Variants in SORCS1 observed in about 807,000 individuals in gnomAD.
The protein encoded by SORCS1 is sortilin related VPS10 domain containing receptor 1.
Under a neutral mutation model 146.1 loss-of-function variants are expected in SORCS1, and 60 were observed. That is an observed-to-expected ratio of 0.41 (90% confidence interval 0.33 to 0.51). The LOEUF is 0.51. Ranked by LOEUF, SORCS1 falls within the 20% of genes least tolerant of loss-of-function variation. The pLI is 0.21. For synonymous variants in SORCS1, 637 were observed against 584.0 expected, an observed-to-expected ratio of 1.09 and a Z score of -1.31; for missense variants, 1,352 against 1,487.6, an observed-to-expected ratio of 0.91 and a Z score of 1.50.
chr10:107,124,491 T>A (rs1330431503), intron 1 of SORCS1, among the ~76,000 whole-genome samples: 1 of 152,140 alleles, frequency 6.6e-6, no homozygotes, highest in East Asian at 1.9e-4. Flanking sequence ...CCGGTGACTA[T>A]GAAAACTAGC....
intron 3 of SORCS1, among the ~76,000 whole-genome samples, chr10:106,822,482 T>C (rs1432267478): frequency 6.6e-6 from 1 of 152,168 alleles, no homozygotes; most frequent in Non-Finnish European, 1.5e-5. Flanking sequence ...TATTATTCTG[T>C]AGCTCATTTG....
At chr10:106,822,802 T>TTTTTTTTTTTTTTTTTTTTTTTTTG (rs994708912) in intron 3 of SORCS1, among the ~76,000 whole-genome samples, 2 of 140,194 alleles carry the variant, frequency 1.4e-5, no homozygotes, top group African/African-American at 5.7e-5. Context: ...TTTTTTTTTT[T>TTTTTTTTTTTTTTTTTTTTTTTTTG]GAATATTGCT....
At chr10:106,763,287 C>T (rs1014533665) in intron 4 of SORCS1, among the ~76,000 whole-genome samples, 4 of 152,168 alleles carry the variant, frequency 2.6e-5, no homozygotes, top group Non-Finnish European at 4.4e-5. Context: ...AATTGTTGGG[C>T]GCCAGCGTTT....
chr10:106,790,692 G>C (rs1046009156), intron 3 of SORCS1, among the ~76,000 whole-genome samples: 2 of 152,142 alleles, frequency 1.3e-5, no homozygotes, highest in Non-Finnish European at 2.9e-5. Context: ...ACAGTCTATG[G>C]GACTATTGGG....
chr10:106,610,907 G>C (rs1339533189), intron 22 of SORCS1, among the ~76,000 whole-genome samples: 2 of 152,002 alleles, frequency 1.3e-5, no homozygotes, highest in African/African-American at 4.8e-5. Context: ...GGTGACACCC[G>C]TCTCTACTTA....
chr10:106,782,938 T>A (rs895619321), intron 3 of SORCS1, among the ~76,000 whole-genome samples: 1 of 152,206 alleles, frequency 6.6e-6, no homozygotes, highest in African/African-American at 2.4e-5. Flanking sequence ...GAATGTGTAC[T>A]TTTCCTCACA....
intron 5 of SORCS1, among the ~76,000 whole-genome samples, chr10:106,740,410 T>C (rs1288079761): frequency 6.6e-6 from 1 of 152,180 alleles, no homozygotes; most frequent in Non-Finnish European, 1.5e-5. Context: ...AATTTTTGAA[T>C]ATGTTTACTG....
intron 17 of SORCS1, among the ~76,000 whole-genome samples, chr10:106,661,490 T>C (rs548919343): frequency 2.0e-5 from 3 of 152,350 alleles, no homozygotes; most frequent in African/African-American, 7.2e-5. Context: ...ATCAAATACA[T>C]GTCTGGACTG....
intron 1 of SORCS1, among the ~76,000 whole-genome samples, chr10:106,974,270 G>A (rs780818738): frequency 1.3e-5 from 2 of 152,156 alleles, no homozygotes; most frequent in African/African-American, 2.4e-5. Context: ...AATGTGATAA[G>A]TATTATGATA....
intron 1 of SORCS1, among the ~76,000 whole-genome samples, chr10:107,057,129 C>T (rs1446178026): frequency 6.6e-6 from 1 of 152,108 alleles, no homozygotes; most frequent in Admixed American, 6.5e-5. Flanking sequence ...AAACACACCA[C>T]TAGAGGATGA....
intron 4 of SORCS1, among the ~76,000 whole-genome samples, chr10:106,762,640 G>A (rs907449826): frequency 8.6e-5 from 13 of 151,430 alleles, no homozygotes; most frequent in Admixed American, 1.3e-4. Context: ...CTCATGATCC[G>A]CCCACCTCGG....
intron 1 of SORCS1, among the ~76,000 whole-genome samples, chr10:107,154,493 C>T (rs1038753401): frequency 6.6e-6 from 1 of 151,274 alleles, no homozygotes; most frequent in African/African-American, 2.4e-5. Context: ...CACACAGGTA[C>T]AAAGTTATAG....
At chr10:106,820,023 T>A (rs1316919036) in intron 3 of SORCS1, among the ~76,000 whole-genome samples, 1 of 152,260 alleles carries the variant, frequency 6.6e-6, no homozygotes, top group African/African-American at 2.4e-5. Flanking sequence ...GCTTTACCTC[T>A]GTATCCTTCC....
At chr10:107,151,210 G>T (rs1390384090) in intron 1 of SORCS1, among the ~76,000 whole-genome samples, 1 of 152,178 alleles carries the variant, frequency 6.6e-6, no homozygotes, top group Non-Finnish European at 1.5e-5. Flanking sequence ...AGACAGGATG[G>T]TGTGGGAAAA....
intron 1 of SORCS1, among the ~76,000 whole-genome samples, chr10:107,085,638 G>A (rs1963697456): frequency 6.6e-6 from 1 of 152,158 alleles, no homozygotes; most frequent in South Asian, 2.1e-4. Context: ...AATTGGATAA[G>A]TGAAACAAGT....
At chr10:106,597,153 A>G (rs1845954014) in intron 24 of SORCS1, among the ~76,000 whole-genome samples, 198 bp downstream of exon 24, 1 of 152,224 alleles carries the variant, frequency 6.6e-6, no homozygotes, top group Admixed American at 6.5e-5. Context: ...AACCCAGCTG[A>G]AAGTGTCACC....
At chr10:107,131,553 C>A (rs1966872383) in intron 1 of SORCS1, among the ~76,000 whole-genome samples, 1 of 152,092 alleles carries the variant, frequency 6.6e-6, no homozygotes, top group South Asian at 2.1e-4. Flanking sequence ...CGAACCCCCC[C>A]ATCTCTACCA....
chr10:106,592,872 T>C (rs1348705277), intron 24 of SORCS1, among the ~76,000 whole-genome samples: 1 of 151,832 alleles, frequency 6.6e-6, no homozygotes, highest in Non-Finnish European at 1.5e-5. Flanking sequence ...TTGTGGTGGC[T>C]CATGCCTGTA....
chr10:107,017,533 C>G (rs2139808322), intron 1 of SORCS1, among the ~76,000 whole-genome samples: 1 of 152,340 alleles, frequency 6.6e-6, no homozygotes, highest in South Asian at 2.1e-4. Flanking sequence ...GGATTCACTA[C>G]TCCAAAATAT....
Sources: allele counts gnomAD v4.1 joint callset (sites outside exome capture counted in the v4.1 genomes callset), GRCh38; gene constraint gnomAD v4.1.1; transcripts MANE v1.5; gene names NCBI Gene and HGNC (gene_info 2026-07-23, HGNC 2026-07-21).